The following DHTKD1 variants were observed in gnomAD, a reference collection of about 807,000 sequenced individuals.
DHTKD1 encodes the protein 2-oxoadipate dehydrogenase complex component E1.
A neutral mutation model predicts 101.8 loss-of-function variants in DHTKD1; 78 were observed. The observed-to-expected ratio is 0.77, with a 90% CI of 0.64 to 0.93. The LOEUF (loss-of-function observed/expected upper bound fraction) is 0.93. DHTKD1 is among the 40% of genes least tolerant of loss of function. DHTKD1 has a pLI of 0.00. For missense variants in DHTKD1, 1,223 were observed against 1,161.7 expected (o/e 1.05, Z -0.77); for synonymous variants, 462 against 450.3 (o/e 1.03, Z -0.33).
chr10:12,092,742 G>T (rs537062697), intron 6 of DHTKD1, among the ~76,000 whole-genome samples: 254 of 152,150 alleles, frequency 1.7e-3, no homozygotes, highest in Non-Finnish European at 3.1e-3. Context: ...GGCGGAGGTT[G>T]CAGTGAGCCA....
Position 12,091,499 on chromosome 10 carries a change from G to A in DHTKD1, c.988-14G>A. ...TCTTTTCTCCCCACCCGCTCCCCTT[G>A]CCTCATGATTTAGGTCCATGGTGAT... On this transcript the variant is annotated splice_polypyrimidine_tract_variant and intron_variant, in intron 5 of 16. Coordinates refer to ENST00000263035, the MANE Select transcript of DHTKD1 (RefSeq NM_018706.7). The A allele has an allele frequency of 6.5e-7, 1 of 1,530,170 alleles. No homozygotes were observed. 94.8% of individuals were successfully genotyped at this position (1,530,170 alleles called of 1,614,324 possible).
At chr10:12,078,096 G>GT (rs1832761975) in intron 1 of DHTKD1, among the ~76,000 whole-genome samples, 1 of 152,000 alleles carries the variant, frequency 6.6e-6, no homozygotes, top group Admixed American at 6.6e-5. Context: ...GTATTCTAGT[G>GT]TATCATTAGC....
intron 6 of DHTKD1, among the ~76,000 whole-genome samples, chr10:12,093,633 T>A (rs1833025096): frequency 6.6e-6 from 1 of 152,230 alleles, no homozygotes; most frequent in Admixed American, 6.5e-5. Flanking sequence ...GAATCCTTTA[T>A]GATTAGTCTG....
chr10:12,087,930 A>C lies in DHTKD1; in HGVS notation c.717+201A>C, dbSNP rs1832929739. Among the ~76,000 whole-genome samples, 1 of 151,934 alleles carries C rather than the reference A, an allele frequency of 6.6e-6. No homozygotes were observed. The highest frequency in any genetic ancestry group is 6.6e-5 in the Admixed American group (1 of 15,224). On this transcript the variant is annotated intron_variant, in intron 4 of 16. Transcript: ENST00000263035. The surrounding 1 kb of genome is among the most constrained non-coding windows in gnomAD (Gnocchi z 5.2). ...AGTTTGAGACCACCCTGTGGAACAA[A>C]GTGAGACTTTGTCTCTACCAAAAAT...
chr10:12,080,690 G>A (rs1832802406), intron 1 of DHTKD1, among the ~76,000 whole-genome samples: 1 of 147,494 alleles, frequency 6.8e-6, no homozygotes, highest in Admixed American at 7.0e-5. Context: ...CAGCCTGGGT[G>A]ACATAGCAAG....
intron 1 of DHTKD1, among the ~76,000 whole-genome samples, chr10:12,070,210 T>C (rs1427248076): frequency 1.3e-5 from 2 of 152,342 alleles, no homozygotes; most frequent in Admixed American, 6.5e-5. Flanking sequence ...TTGGAACTTC[T>C]GTTGCATGCT....
In DHTKD1 at chr10:12,110,767, T is replaced by C. The variant is rs903934821; in HGVS notation, c.2155-2133T>C. Among the ~76,000 whole-genome samples, 1 of 152,092 alleles carries C rather than the reference T, an allele frequency of 6.6e-6. No individual in the cohort carries two copies. The highest frequency in any genetic ancestry group is 1.5e-5 in the Non-Finnish European group (1 of 68,026). The stretch of plus-strand genomic sequence containing the variant: ...TCAAGGGAGGAAAGTTGGCCTAGCA[T>C]GGTGGCTCACACCTGTAATCCCAGC... On this transcript the variant is annotated intron_variant, in intron 12 of 16. Transcript: ENST00000263035. This position sits in a 1 kb window ranked among gnomAD's most constrained non-coding sequence, Gnocchi z 4.9.
At chr10:12,098,059 TG>T (rs1833101998) in intron 8 of DHTKD1, 63 bp downstream of exon 8, 1 of 1,463,550 alleles carries the variant, frequency 6.8e-7, no homozygotes, top group Admixed American at 2.2e-5. Context: ...GAGCTGACGT[TG>T]GTCTGGTGTT....
At position 12,121,478 on chromosome 10, in the gene DHTKD1, G is replaced by A. The variant is rs1337408558; in HGVS notation, c.*590G>A. Reference sequence around the variant, plus strand: ...CAATAACAAAAAAAGAAAGTGTGATGGCTGGGTGCAGTGGCTCACGCCTGT... The same window carrying A: ...CAATAACAAAAAAAGAAAGTGTGATAGCTGGGTGCAGTGGCTCACGCCTGT... On this transcript the variant is annotated 3_prime_UTR_variant, in exon 17 of 17. Transcript: ENST00000263035. 1 of 153,154 alleles carries A rather than the reference G, an allele frequency of 6.5e-6. No individual in the cohort carries two copies. The highest frequency in any genetic ancestry group is 2.4e-5 in the African/African-American group (1 of 41,424). 9.5% of individuals were successfully genotyped at this position (153,154 alleles called of 1,614,324 possible).
intron 15 of DHTKD1, among the ~76,000 whole-genome samples, chr10:12,119,495 A>G (rs1321576690): frequency 1.3e-5 from 2 of 150,886 alleles, no homozygotes; most frequent in African/African-American, 4.9e-5. Context: ...GGGCGCCTGT[A>G]GTCCCAGCTA....
chr10:12,101,514 G>A (rs1402322181), intron 10 of DHTKD1, among the ~76,000 whole-genome samples: 1 of 152,166 alleles, frequency 6.6e-6, no homozygotes, highest in Non-Finnish European at 1.5e-5. Context: ...AGTATTCCTT[G>A]CCTACTTAAG....
chr10:12,086,509 G>A (rs183921803), intron 3 of DHTKD1, among the ~76,000 whole-genome samples: 13 of 150,652 alleles, frequency 8.6e-5, no homozygotes, highest in South Asian at 4.2e-4. Context: ...ATGAGCCACC[G>A]CGCCCAGCCT....
chr10:12,106,610 G>C (rs950058272), intron 11 of DHTKD1, among the ~76,000 whole-genome samples: 1 of 152,160 alleles, frequency 6.6e-6, no homozygotes. Context: ...CTCTCAGCAG[G>C]AGCACTGGTG....
rs754865994 is a variant in DHTKD1 at position 12,087,513 on chromosome 10, C to T, written c.523-22C>T. ...AAGCTGGCTGTCTCCTGGCAGCTCA[C>T]GTCTGACATGATGTTCTGCAGGAGT... On this transcript the variant is annotated intron_variant, in intron 3 of 16. Transcript: ENST00000263035. This position sits in a 1 kb window ranked among gnomAD's most constrained non-coding sequence, Gnocchi z 5.2. The T allele has an allele frequency of 2.0e-5, 32 of 1,566,942 alleles. No homozygotes were observed. Among genetic ancestry groups the T allele is most frequent in the South Asian group, 9.7e-5 (8 of 82,838 alleles).
At chr10:12,091,156 A>C (rs1205013043) in intron 5 of DHTKD1, among the ~76,000 whole-genome samples, 1 of 152,152 alleles carries the variant, frequency 6.6e-6, no homozygotes, top group Non-Finnish European at 1.5e-5. Flanking sequence ...CATGCCTGTA[A>C]TCCCAGCACT....
intron 4 of DHTKD1, among the ~76,000 whole-genome samples, chr10:12,088,704 C>T (rs544852919): frequency 1.3e-5 from 2 of 152,104 alleles, no homozygotes; most frequent in Admixed American, 1.3e-4. Flanking sequence ...ATGCCTCAGC[C>T]TCTCTACTAG....
chr10:12,079,645 C>T (rs188650375), intron 1 of DHTKD1, among the ~76,000 whole-genome samples: 26 of 151,186 alleles, frequency 1.7e-4, no homozygotes, highest in Admixed American at 2.0e-4. Flanking sequence ...TCCAGCCTGG[C>T]GATAGAGTGA....
Position 12,094,199 on chromosome 10 carries a change from G to T in DHTKD1, c.1286G>T (p.Cys429Phe). The T allele has an allele frequency of 1.2e-6, 2 of 1,614,190 alleles. No individual in the cohort carries two copies. The highest frequency in any genetic ancestry group is 1.7e-6 in the Non-Finnish European group (2 of 1,180,046). The stretch of plus-strand genomic sequence containing the variant: ...AAGGATGTGATTATTGATCTGTTGT[G>T]CTACAGGCAGTGGGGCCACAATGAG... ...FRKDVIIDLL[C>F]YRQWGHNELD... The change falls in exon 7 of 17, where the codon TGC becomes TTC. Residue 429 changes from cysteine (C) to phenylalanine (F), a missense_variant. Coordinates refer to ENST00000263035, the MANE Select transcript of DHTKD1 (RefSeq NM_018706.7).
chr10:12,109,732 G>A (rs1465184991), intron 12 of DHTKD1, among the ~76,000 whole-genome samples: 3 of 152,052 alleles, frequency 2.0e-5, no homozygotes, highest in Admixed American at 1.3e-4. Context: ...GAGAGGCCGA[G>A]GTGGGAGGAT....
Sources: gnomAD v4.1 joint callset for allele counts (sites outside exome capture counted in the v4.1 genomes callset) on GRCh38, gnomAD v4.1.1 for gene constraint, Gnocchi (gnomAD v3.1) non-coding constraint, MANE v1.5 for transcripts, NCBI Gene and HGNC (gene_info 2026-07-23, HGNC 2026-07-21) for gene names.